LITAF: variants seen among roughly 807,000 people sequenced by gnomAD.
LITAF encodes lipopolysaccharide induced TNF factor, also known as lipopolysaccharide-induced tumor necrosis factor-alpha factor.
Under a neutral mutation model 14.5 loss-of-function variants are expected in LITAF, and 9 were observed. The observed-to-expected ratio is 0.62, with a 90% CI of 0.37 to 1.08. The LOEUF is 1.08. Ranked by LOEUF, LITAF falls within the 50% of genes least tolerant of loss-of-function variation. The pLI is 0.01. For missense variants in LITAF, 206 were observed against 213.4 expected, an observed-to-expected ratio of 0.97 and a Z score of 0.22; for synonymous variants, 98 against 88.2, an observed-to-expected ratio of 1.11 and a Z score of -0.62.
chr16:11,594,023 A>AT (rs2064865680), intron 1 of LITAF, among the ~76,000 whole-genome samples: 13 of 151,326 alleles, frequency 8.6e-5, no homozygotes, highest in South Asian at 4.2e-4. Context: ...CATTAAAAAA[A>AT]ATATATACAA....
intron 3 of LITAF, among the ~76,000 whole-genome samples, chr16:11,612,242 G>T (rs141729917): frequency 1.8e-4 from 28 of 152,242 alleles, no homozygotes; most frequent in Non-Finnish European, 3.8e-4. Flanking sequence ...TCTAAAACGG[G>T]GGTCTCTCCA....
intron 1 of LITAF, among the ~76,000 whole-genome samples, chr16:11,569,301 C>T (rs1257014912): frequency 1.3e-5 from 2 of 152,088 alleles, no homozygotes; most frequent in Non-Finnish European, 2.9e-5. Flanking sequence ...AGTACAGTGG[C>T]ACCTGCATAG....
At position 11,608,649 on chromosome 16, in the gene LITAF, G is replaced by A. The variant is rs114785471; in HGVS notation, c.85+24884C>T. Among the ~76,000 whole-genome samples, 1,220 of 152,312 alleles carry A rather than the reference G, an allele frequency of 8.0e-3. 21 individuals carry two copies. Among genetic ancestry groups the A allele is most frequent in the African/African-American group, 0.027 (1,142 of 41,566 alleles). On this transcript the variant is annotated intron_variant, in intron 3 of 3. Transcript: ENST00000574848. ...ATGAACCTTGGAAACAGTACACTGAGTGAGAGAAGTCAGGTGTGAAATGCC... is the reference window on the plus strand; with the variant it reads ...ATGAACCTTGGAAACAGTACACTGAATGAGAGAAGTCAGGTGTGAAATGCC...
chr16:11,630,199 C>T (rs1014741187), intron 3 of LITAF, among the ~76,000 whole-genome samples: 1 of 152,146 alleles, frequency 6.6e-6, no homozygotes, highest in Admixed American at 6.5e-5. Context: ...CTGGCTTCCC[C>T]AACTTCCCCT....
chr16:11,559,623 TAAAATGACCAC>T (rs1367714635), intron 1 of LITAF, among the ~76,000 whole-genome samples: 3 of 151,966 alleles, frequency 2.0e-5, no homozygotes, highest in Admixed American at 6.6e-5. Context: ...ATTGATATAT[TAAAATGACCAC>T]AGCTTAGATA....
upstream of LITAF, chr16:11,587,197 C>T (rs889323351): frequency 2.7e-6 from 1 of 365,934 alleles, no homozygotes; most frequent in Non-Finnish European, 5.4e-6. Flanking sequence ...ACTCTCCTAT[C>T]CTGCCCCTGC....
At chr16:11,570,933 A>C (rs2064532401) in intron 1 of LITAF, among the ~76,000 whole-genome samples, 1 of 151,948 alleles carries the variant, frequency 6.6e-6, no homozygotes, top group African/African-American at 2.4e-5. Context: ...AAATGTAGAA[A>C]AAGGAAGCTG....
chr16:11,580,938 T>C (rs2064722829), intron 1 of LITAF, among the ~76,000 whole-genome samples: 1 of 152,040 alleles, frequency 6.6e-6, no homozygotes, highest in Non-Finnish European at 1.5e-5. Context: ...CTAATTTTTG[T>C]ATTTTCTGTA....
chr16:11,600,108 C>T (rs1217985499), upstream of LITAF, among the ~76,000 whole-genome samples: 1 of 152,156 alleles, frequency 6.6e-6, no homozygotes, highest in East Asian at 1.9e-4. The surrounding 1 kb of genome is among the most constrained non-coding windows in gnomAD (Gnocchi z 4.1). Flanking sequence ...AGCAATCCTA[C>T]CACCTCGGCC....
At chr16:11,594,735 G>C (rs1188828112) in intron 1 of LITAF, among the ~76,000 whole-genome samples, 1 of 151,994 alleles carries the variant, frequency 6.6e-6, no homozygotes, top group Non-Finnish European at 1.5e-5. Flanking sequence ...AATTAGCCGG[G>C]CATGGTGGCT....
At chr16:11,638,042 C>CTATATATATCTA (rs2065148456), upstream of LITAF, among the ~76,000 whole-genome samples, 1 of 85,206 alleles carries the variant, frequency 1.2e-5, no homozygotes, top group Admixed American at 1.3e-4. Flanking sequence ...CTATATATAT[C>CTATATATATCTA]TATATATATA....
At chr16:11,597,903 T>G (rs1043235093) in intron 1 of LITAF, among the ~76,000 whole-genome samples, 1 of 152,022 alleles carries the variant, frequency 6.6e-6, no homozygotes, top group Non-Finnish European at 1.5e-5. Context: ...AGCATGCTTT[T>G]TTGCTTTCTT....
intron 1 of LITAF, among the ~76,000 whole-genome samples, chr16:11,557,064 G>GTTTTT (rs1555467011): frequency 2.2e-5 from 3 of 137,632 alleles, no homozygotes; most frequent in South Asian, 2.2e-4. Context: ...CTTCTTCGTT[G>GTTTTT]TTTTTTTTTG....
upstream of LITAF, among the ~76,000 whole-genome samples, chr16:11,588,759 G>A (rs1174093562): frequency 6.6e-6 from 1 of 151,970 alleles, no homozygotes; most frequent in Non-Finnish European, 1.5e-5. Flanking sequence ...AACACCTAGG[G>A]AAAATCTCTC....
Position 11,556,635 on chromosome 16 carries a change from A to G in LITAF, c.96T>C (p.Tyr32=), listed in dbSNP as rs756187413. The change falls in exon 2 of 4, where the codon TAT becomes TAC. Residue 32 remains tyrosine, a synonymous_variant. Coordinates refer to ENST00000622633, the MANE Select transcript of LITAF (RefSeq NM_001136472.2). ...SYEETVAVNS[Y]YPTPPAPMPG... ...GCATGGGAGCTGGAGGTGTGGGGTA[A>G]TAACTGTTAACAGCCACTGTCTCTT... 1.4e-5 allele frequency: 22 copies of G among 1,614,114 alleles called. No homozygotes were observed. The highest frequency in any genetic ancestry group is 3.3e-5 in the Admixed American group (2 of 60,010).
intron 1 of LITAF, among the ~76,000 whole-genome samples, chr16:11,567,812 C>T (rs1597343928): frequency 1.3e-5 from 2 of 152,080 alleles, no homozygotes; most frequent in Non-Finnish European, 1.5e-5. Flanking sequence ...TGGTGAAACC[C>T]GGCTCTAATA....
intron 3 of LITAF, among the ~76,000 whole-genome samples, chr16:11,615,052 G>T (rs369859422): frequency 2.0e-5 from 3 of 152,122 alleles, no homozygotes; most frequent in Non-Finnish European, 4.4e-5. Flanking sequence ...ATGACCAGTC[G>T]GTACACACTG....
intron 1 of LITAF, chr16:11,575,432 T>G (rs1401763192): frequency 6.6e-6 from 1 of 152,166 alleles, no homozygotes; most frequent in African/African-American, 2.4e-5. Context: ...AGGTGAGTAG[T>G]GCGGGGCCAG....
At chr16:11,552,632 A>G (rs1331257137) in intron 3 of LITAF, among the ~76,000 whole-genome samples, 2 of 152,202 alleles carry the variant, frequency 1.3e-5, no homozygotes, top group Non-Finnish European at 2.9e-5. Context: ...TCAGCAGATA[A>G]GCAAGAAGAA....
Sources: allele counts gnomAD v4.1 joint callset (sites outside exome capture counted in the v4.1 genomes callset), GRCh38; gene constraint gnomAD v4.1.1; non-coding constraint Gnocchi (gnomAD v3.1); transcripts MANE v1.5; gene names NCBI Gene and HGNC (gene_info 2026-07-23, HGNC 2026-07-21).